The following PTPRD variants were observed in gnomAD, a reference collection of about 807,000 sequenced individuals.
PTPRD encodes the protein protein tyrosine phosphatase receptor type D, also known as receptor-type tyrosine-protein phosphatase delta.
A neutral mutation model predicts 214.5 loss-of-function variants in PTPRD; 34 were observed. That is an observed-to-expected ratio of 0.16 (90% CI 0.12 to 0.21). The LOEUF (loss-of-function observed/expected upper bound fraction) is 0.21, where lower values mean the gene tolerates loss of function less well. PTPRD is among the 10% of genes least tolerant of loss of function. The pLI is 1.00. For missense variants in PTPRD, 2,545 were observed against 2,398.7 expected (o/e 1.06, Z -1.27); for synonymous variants, 1,128 against 845.7 (o/e 1.33, Z -5.79).
chr9:9,616,850 A>C (rs1312534638), intron 7 of PTPRD, among the ~76,000 whole-genome samples: 2 of 152,154 alleles, frequency 1.3e-5, no homozygotes, highest in Non-Finnish European at 2.9e-5. Flanking sequence ...CCTGAGTTCT[A>C]ATTTGATTGC....
At position 10,593,198 on chromosome 9, in the gene PTPRD, T is replaced by C. The variant is rs140082944; in HGVS notation, c.-600+19200A>G. 9.3e-3 allele frequency among the ~76,000 whole-genome samples: 1,416 copies of C among 152,000 alleles called. 10 individuals are homozygous for C. Among genetic ancestry groups the C allele is most frequent in the Non-Finnish European group, 0.015 (1,025 of 67,928 alleles). ...TAAAGCAGTGCCTCTTAAACCATAA[T>C]AGAAAACACCTGGGGATCTTGTTAA... On this transcript the variant is annotated intron_variant, in intron 2 of 45. Coordinates refer to ENST00000381196, the MANE Select transcript of PTPRD (RefSeq NM_002839.4).
chr9:8,621,538 C>T (rs1267332097), intron 14 of PTPRD, among the ~76,000 whole-genome samples: 3 of 151,882 alleles, frequency 2.0e-5, no homozygotes, highest in Non-Finnish European at 2.9e-5. Flanking sequence ...GTTCTTTGTA[C>T]TAGGTTTATG....
intron 35 of PTPRD, among the ~76,000 whole-genome samples, chr9:8,423,736 A>C (rs1036165133): frequency 6.6e-6 from 1 of 152,088 alleles, no homozygotes; most frequent in Non-Finnish European, 1.5e-5. Flanking sequence ...TGACAATGTC[A>C]AAACAAGAAA....
intron 13 of PTPRD, among the ~76,000 whole-genome samples, chr9:8,634,958 G>A (rs1802860826): frequency 6.6e-6 from 1 of 151,050 alleles, no homozygotes; most frequent in African/African-American, 2.4e-5. Flanking sequence ...ACCATACTTA[G>A]CACTGGGGAT....
At chr9:9,194,422 A>T (rs1170173479) in intron 9 of PTPRD, among the ~76,000 whole-genome samples, 1 of 152,296 alleles carries the variant, frequency 6.6e-6, no homozygotes, top group East Asian at 1.9e-4. Context: ...CTCTACTTTT[A>T]TAAAACTGGC....
chr9:8,527,734 C>A (rs2074575176), intron 15 of PTPRD, among the ~76,000 whole-genome samples: 1 of 152,060 alleles, frequency 6.6e-6, no homozygotes, highest in Non-Finnish European at 1.5e-5. Context: ...AGAATTATCT[C>A]TACTTTTAAT....
chr9:8,319,019 C>G (rs1824556617), intron 45 of PTPRD, among the ~76,000 whole-genome samples: 2 of 152,008 alleles, frequency 1.3e-5, no homozygotes, highest in African/African-American at 4.8e-5. Context: ...AGTTGCTTGG[C>G]TGAGTGTTAA....
At chr9:8,632,147 G>C (rs976700214) in intron 14 of PTPRD, among the ~76,000 whole-genome samples, 8 of 139,190 alleles carry the variant, frequency 5.7e-5, no homozygotes, top group Admixed American at 4.1e-4. Context: ...GTGTGTGTGT[G>C]TCTGTGTGTG....
intron 9 of PTPRD, among the ~76,000 whole-genome samples, chr9:9,237,652 T>A (rs996317952): frequency 6.6e-6 from 1 of 152,110 alleles, no homozygotes; most frequent in Non-Finnish European, 1.5e-5. Flanking sequence ...TTTTAAGAGC[T>A]CCATGGTCCA....
rs150234599 is a variant in PTPRD, at chr9:8,724,582, T to C, written c.64+9198A>G. On this transcript the variant is annotated intron_variant, in intron 12 of 45. Coordinates refer to ENST00000381196, the MANE Select transcript of PTPRD (RefSeq NM_002839.4). Reference sequence around the variant, plus strand: ...ATAAGTCAGTGATTCCTGCAGTTCATAGAATAAAAACCAAGATTTTGAACA... The same window carrying C: ...ATAAGTCAGTGATTCCTGCAGTTCACAGAATAAAAACCAAGATTTTGAACA... Among the ~76,000 whole-genome samples the C allele has an allele frequency of 1.5e-3, 227 of 152,258 alleles. 2 individuals are homozygous for C. The highest frequency in any genetic ancestry group is 1.4e-3 in the Non-Finnish European group (97 of 68,012).
chr9:10,591,431 T>G (rs1040904519), intron 2 of PTPRD, among the ~76,000 whole-genome samples: 8 of 152,070 alleles, frequency 5.3e-5, no homozygotes, highest in Non-Finnish European at 7.4e-5. Flanking sequence ...CTTTGAGAGT[T>G]GTTTGCAGGA....
chr9:10,337,342 A>G (rs1036755729), intron 3 of PTPRD, among the ~76,000 whole-genome samples: 44 of 151,714 alleles, frequency 2.9e-4, no homozygotes, highest in African/African-American at 9.4e-4. Context: ...ATGCTATTCA[A>G]CGTAGCACAC....
chr9:10,485,567 A>G (rs977501989), intron 2 of PTPRD, among the ~76,000 whole-genome samples: 5 of 151,926 alleles, frequency 3.3e-5, no homozygotes, highest in Non-Finnish European at 5.9e-5. Context: ...CATTATAGGC[A>G]TCTTTCACTT....
chr9:10,599,387 A>T (rs2133288811), intron 2 of PTPRD, among the ~76,000 whole-genome samples: 1 of 151,920 alleles, frequency 6.6e-6, no homozygotes, highest in East Asian at 1.9e-4. Flanking sequence ...TTAGTCTTTA[A>T]CTTATACAAC....
chr9:10,183,551 G>C (rs2154310123), intron 3 of PTPRD, among the ~76,000 whole-genome samples: 1 of 152,254 alleles, frequency 6.6e-6, no homozygotes, highest in East Asian at 1.9e-4. Flanking sequence ...GAGAATATGA[G>C]AAGAAGAAAT....
At chr9:8,918,314 C>A (rs2052121430) in intron 11 of PTPRD, among the ~76,000 whole-genome samples, 2 of 152,106 alleles carry the variant, frequency 1.3e-5, no homozygotes, top group Admixed American at 1.3e-4. Flanking sequence ...GGAGACAGAA[C>A]AAGCAAAGTA....
At chr9:10,222,222 G>T (rs1223517975) in intron 3 of PTPRD, among the ~76,000 whole-genome samples, 1 of 151,954 alleles carries the variant, frequency 6.6e-6, no homozygotes, top group Non-Finnish European at 1.5e-5. Flanking sequence ...AACTTTTCCT[G>T]CTATGAGAGT....
intron 2 of PTPRD, among the ~76,000 whole-genome samples, chr9:10,418,498 C>CACACACT (rs879881642): frequency 7.1e-6 from 1 of 141,506 alleles, no homozygotes; most frequent in African/African-American, 2.6e-5. Context: ...CACACACACA[C>CACACACT]TTCATATCCT....
intron 5 of PTPRD, among the ~76,000 whole-genome samples, chr9:9,815,479 G>C (rs764087666): frequency 6.6e-6 from 1 of 151,950 alleles, no homozygotes; most frequent in Non-Finnish European, 1.5e-5. Flanking sequence ...AGATGACACC[G>C]AAAGCAAAGT....
Sources: gnomAD v4.1 joint callset for allele counts (sites outside exome capture counted in the v4.1 genomes callset) on GRCh38, gnomAD v4.1.1 for gene constraint, MANE v1.5 for transcripts, NCBI Gene and HGNC (gene_info 2026-07-23, HGNC 2026-07-21) for gene names.